Variants in MYO9A observed in about 807,000 individuals in gnomAD.
MYO9A encodes unconventional myosin-IXa.
MYO9A carries 103 observed loss-of-function variants against 293.3 expected under a neutral mutation model. The observed-to-expected ratio is 0.35, with a 90% confidence interval of 0.30 to 0.41. The LOEUF (loss-of-function observed/expected upper bound fraction) is 0.41, where lower values mean the gene tolerates loss of function less well. Ranked by LOEUF, MYO9A falls within the 10% of genes least tolerant of loss-of-function variation. The pLI is 1.00. For synonymous variants in MYO9A, 1,001 were observed against 1,035.7 expected (o/e 0.97, Z 0.64); for missense variants, 2,685 against 3,033.0 (o/e 0.89, Z 2.69).
chr15:71,895,846 GT>G (rs2057308953), intron 25 of MYO9A, among the ~76,000 whole-genome samples: 1 of 151,960 alleles, frequency 6.6e-6, no homozygotes, highest in Non-Finnish European at 1.5e-5. Flanking sequence ...TCCACAATTT[GT>G]TTTTTACAAA....
rs569075712 is a variant in MYO9A at position 72,003,103 on chromosome 15, C to A, written c.1381-3163G>T. Among the ~76,000 whole-genome samples, 23 of 151,766 alleles carry A rather than the reference C, an allele frequency of 1.5e-4. No individual in the cohort carries two copies. In the South Asian group the frequency reaches 4.2e-3, roughly 27 times the overall value. Reference sequence around the variant, plus strand: ...TGACCAATATGGAGAAACTCCGTCTCTACTAAAAATACAAAATTAGCCGGG... The same window carrying A: ...TGACCAATATGGAGAAACTCCGTCTATACTAAAAATACAAAATTAGCCGGG... On this transcript the variant is annotated intron_variant, in intron 8 of 41. Coordinates refer to ENST00000356056, the MANE Select transcript of MYO9A (RefSeq NM_006901.4).
chr15:71,851,453 A>G, intron 36 of MYO9A, 95 bp from the exon 37 acceptor site: 2 of 951,430 alleles, frequency 2.1e-6, no homozygotes, highest in Non-Finnish European at 3.1e-6. Flanking sequence ...GGCTGGCTAC[A>G]GAGTTTTAGG....
At chr15:71,918,794 A>G (rs1399972179) in intron 18 of MYO9A, among the ~76,000 whole-genome samples, 4 of 152,258 alleles carry the variant, frequency 2.6e-5, no homozygotes, top group African/African-American at 9.6e-5. Flanking sequence ...CACTATGAAA[A>G]AAACACCAGA....
chr15:72,078,461 C>T (rs915120611), intron 1 of MYO9A, among the ~76,000 whole-genome samples: 4 of 152,102 alleles, frequency 2.6e-5, no homozygotes, highest in African/African-American at 9.7e-5. Context: ...CACTGCACTC[C>T]AGCCTGTGGG....
At chr15:72,109,663 C>T (rs969410287) in intron 1 of MYO9A, among the ~76,000 whole-genome samples, 3 of 151,900 alleles carry the variant, frequency 2.0e-5, no homozygotes, top group Non-Finnish European at 2.9e-5. Flanking sequence ...CCAAGGCAGG[C>T]GGATCGCTTG....
At chr15:71,941,214 T>C (rs745555643) in intron 15 of MYO9A, among the ~76,000 whole-genome samples, 1 of 152,062 alleles carries the variant, frequency 6.6e-6, no homozygotes, top group South Asian at 2.1e-4. Flanking sequence ...GGTGGGCACA[T>C]CACCTGAGGT....
chr15:72,117,846 G>A lies in MYO9A; in HGVS notation c.-238C>T. ...AGCAGCCTCAGGGTCCGGGCGAGCG[G>A]CCGCGGCGCATCCCCCGCCCTGTCA... is the stretch of plus-strand genomic sequence containing the variant. On this transcript the variant is annotated 5_prime_UTR_variant, in exon 1 of 42. Coordinates refer to ENST00000356056, the MANE Select transcript of MYO9A (RefSeq NM_006901.4). The A allele has an allele frequency of 2.5e-6, 1 of 398,612 alleles. No individual in the cohort carries two copies. The highest frequency in any genetic ancestry group is 4.4e-6 in the Non-Finnish European group (1 of 225,848). 24.7% of individuals were successfully genotyped at this position (398,612 alleles called of 1,614,324 possible).
At chr15:72,013,718 GGAGA>G (rs1457751823) in intron 6 of MYO9A, among the ~76,000 whole-genome samples, 2 of 152,144 alleles carry the variant, frequency 1.3e-5, no homozygotes, top group Non-Finnish European at 2.9e-5. Context: ...TGGGTGTGAG[GGAGA>G]GAAAGAGAAG....
intron 39 of MYO9A, among the ~76,000 whole-genome samples, chr15:71,843,364 G>A (rs1206377012): frequency 6.6e-6 from 1 of 152,196 alleles, no homozygotes; most frequent in Non-Finnish European, 1.5e-5. Context: ...GGGAGGCGGA[G>A]GTTGCAGTGA....
intron 1 of MYO9A, among the ~76,000 whole-genome samples, chr15:72,063,585 A>T (rs1306218150): frequency 1.3e-5 from 2 of 152,196 alleles, no homozygotes; most frequent in Non-Finnish European, 2.9e-5. Context: ...AAATGGGCAA[A>T]AGACTGGAAT....
At chr15:71,949,476 T>A (rs560232284) in intron 15 of MYO9A, among the ~76,000 whole-genome samples, 6 of 151,774 alleles carry the variant, frequency 4.0e-5, no homozygotes, top group African/African-American at 1.4e-4. Context: ...CTTCAAATAA[T>A]TTTCGACCCC....
chr15:72,086,691 C>G (rs2079743330), intron 1 of MYO9A, among the ~76,000 whole-genome samples: 1 of 151,800 alleles, frequency 6.6e-6, no homozygotes, highest in Non-Finnish European at 1.5e-5. Flanking sequence ...GGGGTGTAAG[C>G]TGCAATAGGG....
At chr15:71,975,390 C>CGTGTATGT (rs2076114484) in intron 12 of MYO9A, among the ~76,000 whole-genome samples, 1 of 86,674 alleles carries the variant, frequency 1.2e-5, no homozygotes, top group South Asian at 4.7e-4. Flanking sequence ...GTGATTTTAT[C>CGTGTATGT]GTGTGTGTGT....
chr15:71,957,809 C>T (rs924555404), intron 14 of MYO9A, among the ~76,000 whole-genome samples: 1 of 152,090 alleles, frequency 6.6e-6, no homozygotes, highest in African/African-American at 2.4e-5. Flanking sequence ...TACTTTGGAC[C>T]CTCTTGTTCA....
chr15:72,089,494 A>C (rs2079840357), intron 1 of MYO9A, among the ~76,000 whole-genome samples: 1 of 151,990 alleles, frequency 6.6e-6, no homozygotes, highest in South Asian at 2.1e-4. Flanking sequence ...CAAGAACCGT[A>C]TGAGCTGGGC....
At chr15:71,843,183 C>G (rs1167002482) in intron 39 of MYO9A, among the ~76,000 whole-genome samples, 1 of 152,074 alleles carries the variant, frequency 6.6e-6, no homozygotes, top group Non-Finnish European at 1.5e-5. Context: ...AATCCCAGCA[C>G]TTTGGGAGGC....
In MYO9A at chr15:72,045,761, A is replaced by G; in HGVS notation, c.803T>C (p.Val268Ala). ...ALSQKGFASG[V>A]EQIILGAGPV... Reference sequence around the variant, plus strand: ...TCCAGCTCCAAGAATAATCTGTTCTACTCCACTGGCAAATCCTTTCTGACT... The same window carrying G: ...TCCAGCTCCAAGAATAATCTGTTCTGCTCCACTGGCAAATCCTTTCTGACT... Residue 268 changes from valine to alanine, a missense_variant, in exon 2 of 42, where the codon GTA becomes GCA. This residue lies in a region of MYO9A where 289 missense variants were observed against 456.8 expected (regional missense o/e 0.63). Coordinates refer to ENST00000356056, the MANE Select transcript of MYO9A (RefSeq NM_006901.4). 6.2e-7 allele frequency: 1 copy of G among 1,613,790 alleles called. No individual in the cohort carries two copies. The highest frequency in any genetic ancestry group is 8.5e-7 in the Non-Finnish European group (1 of 1,179,858).
intron 2 of MYO9A, chr15:72,045,175 G>C (rs2149674591): frequency 6.6e-6 from 1 of 152,280 alleles, no homozygotes; most frequent in South Asian, 2.1e-4. Context: ...AGCAAGAACA[G>C]TATTTCTATA....
intron 10 of MYO9A, 84 bp downstream of exon 10, chr15:71,994,385 T>G: frequency 1.3e-6 from 1 of 787,132 alleles, no homozygotes. Context: ...TCTATATAAT[T>G]CTGTGTTTTT....
Sources: allele counts gnomAD v4.1 joint callset (sites outside exome capture counted in the v4.1 genomes callset), GRCh38; gene constraint gnomAD v4.1.1; regional missense constraint gnomAD v4.1.1; transcripts MANE v1.5; gene names NCBI Gene and HGNC (gene_info 2026-07-23, HGNC 2026-07-21).